UBAP2: variants seen among roughly 807,000 people sequenced by gnomAD.
UBAP2 encodes ubiquitin associated protein 2, also known as ubiquitin-associated protein 2.
A neutral mutation model predicts 139.6 loss-of-function variants in UBAP2; 75 were observed. That is an observed-to-expected ratio of 0.54 (90% CI 0.45 to 0.65). UBAP2 has a LOEUF of 0.65. UBAP2 is among the 30% of genes least tolerant of loss of function. UBAP2 has a pLI of 0.00. For synonymous variants in UBAP2, 526 were observed against 526.2 expected, an observed-to-expected ratio of 1.00 and a Z score of 0.01; for missense variants, 1,368 against 1,369.6, an observed-to-expected ratio of 1.00 and a Z score of 0.02.
chr9:33,995,149 GAGTTTGAGACC>G (rs1477785876), intron 4 of UBAP2: 1 of 152,034 alleles, frequency 6.6e-6, no homozygotes, highest in East Asian at 1.9e-4. Context: ...CTGAGGTCAG[GAGTTTGAGACC>G]AGTCTGGCCA....
At chr9:33,938,318 A>G (rs1285547400) in intron 16 of UBAP2, among the ~76,000 whole-genome samples, 2 of 152,036 alleles carry the variant, frequency 1.3e-5, no homozygotes, top group Non-Finnish European at 2.9e-5. Flanking sequence ...TTGTAGAGAC[A>G]GAGTTTTTTG....
Position 33,922,678 on chromosome 9 carries a change from T to C in UBAP2, c.3264+9A>G, listed in dbSNP as rs1460770806. The C allele has an allele frequency of 6.4e-7, 1 of 1,560,096 alleles. No homozygotes were observed. The highest frequency in any genetic ancestry group is 8.7e-7 in the Non-Finnish European group (1 of 1,153,600). On this transcript the variant is annotated intron_variant, in intron 28 of 28. Transcript: ENST00000379238. ...AGAGTAGGGTGGCTGCCTCCATCAC[T>C]GTACTCACCTGTGCATCCTGCGGAA...
At chr9:33,998,717 C>T in intron 3 of UBAP2, 70 bp downstream of exon 3, 1 of 1,431,520 alleles carries the variant, frequency 7.0e-7, no homozygotes, top group Non-Finnish European at 9.6e-7. Flanking sequence ...AAAATCTTTA[C>T]TGAAATTATC....
At position 33,923,485 on chromosome 9, in the gene UBAP2, G is replaced by C. The variant is rs774902297; in HGVS notation, c.2797-7C>G. 1 of 1,613,916 alleles carries C rather than the reference G, an allele frequency of 6.2e-7. No individual in the cohort carries two copies. Among genetic ancestry groups the C allele is most frequent in the South Asian group, 1.1e-5 (1 of 91,076 alleles). On this transcript the variant is annotated splice_polypyrimidine_tract_variant and splice_region_variant and intron_variant, in intron 24 of 28. Transcript: ENST00000379238. ...TGGCTGAGGCTGGAGGGACCTGGGG[G>C]GGCAAGCAGATGAGGTATTAGTGTA... is the stretch of plus-strand genomic sequence containing the variant.
At position 33,968,471 on chromosome 9, in the gene UBAP2, A is replaced by C. The variant is rs539905826; in HGVS notation, c.679+3180T>G. ...CAGCCTGGTCGGCTTCTTCAGCTTC[A>C]GGTTGGGACATTTGAGCACTAATGG... On this transcript the variant is annotated intron_variant, in intron 8 of 28. Coordinates refer to ENST00000379238, the MANE Select transcript of UBAP2 (RefSeq NM_001370062.2). 128 of 549,258 alleles carry C rather than the reference A, an allele frequency of 2.3e-4. 1 individual carries two copies. The highest frequency in any genetic ancestry group is 1.7e-3 in the South Asian group (120 of 69,296). 34.0% of individuals were successfully genotyped at this position (549,258 alleles called of 1,614,324 possible). A position where few individuals can be genotyped will look rare whatever the true frequency, so the allele number is the denominator to read the frequency against.
At chr9:33,927,340 C>G (rs1234197829) in intron 20 of UBAP2, among the ~76,000 whole-genome samples, 1 of 152,150 alleles carries the variant, frequency 6.6e-6, no homozygotes, top group African/African-American at 2.4e-5. Flanking sequence ...CCTAAGGTCC[C>G]ACTGCACTGA....
rs547908426 is a variant in UBAP2 at position 33,968,360 on chromosome 9, A to G, written c.679+3291T>C. ...CACAGAGCCAACACTTTGAGGTTCAACAATAACATCATAAATTATTCCTCT... is the reference window on the plus strand; with the variant it reads ...CACAGAGCCAACACTTTGAGGTTCAGCAATAACATCATAAATTATTCCTCT... On this transcript the variant is annotated intron_variant, in intron 8 of 28. Transcript: ENST00000379238. 2.4e-4 allele frequency: 137 copies of G among 578,348 alleles called. 1 individual carries two copies. Among genetic ancestry groups the G allele is most frequent in the South Asian group, 1.0e-3 (75 of 72,752 alleles). 35.8% of individuals were successfully genotyped at this position (578,348 alleles called of 1,614,324 possible).
At position 34,035,961 on chromosome 9, in the gene UBAP2, C is replaced by A. The variant is rs114210374; in HGVS notation, c.-42+12864G>T. ...AGGTTAAGGCTGCAGTGAGCCTGAT[C>A]GCATCACTGCATTCCTGAGTGACAG... On this transcript the variant is annotated intron_variant, in intron 1 of 28. Coordinates refer to ENST00000379238, the MANE Select transcript of UBAP2 (RefSeq NM_001370062.2). Among the ~76,000 whole-genome samples the A allele has an allele frequency of 2.6e-3, 394 of 151,846 alleles. 2 individuals carry two copies. The highest frequency in any genetic ancestry group is 9.0e-3 in the African/African-American group (374 of 41,410).
intron 1 of UBAP2, among the ~76,000 whole-genome samples, chr9:34,042,213 CT>C (rs1395682261): frequency 2.0e-5 from 3 of 151,822 alleles, no homozygotes; most frequent in Non-Finnish European, 4.4e-5. Context: ...GGGGTGGTGG[CT>C]CATGCCTGTA....
chr9:33,995,544 T>TAA (rs1822120591), intron 4 of UBAP2: 2 of 121,976 alleles, frequency 1.6e-5, no homozygotes, highest in Non-Finnish European at 3.4e-5. Flanking sequence ...TATTATTAAA[T>TAA]ATATTATTAA....
chr9:33,980,905 C>A (rs1235234021), intron 6 of UBAP2, among the ~76,000 whole-genome samples: 1 of 150,800 alleles, frequency 6.6e-6, no homozygotes, highest in Non-Finnish European at 1.5e-5. Flanking sequence ...CAAGATCACA[C>A]CACTGCACAC....
At chr9:33,949,795 G>C (rs977805269) in intron 12 of UBAP2, among the ~76,000 whole-genome samples, 3 of 152,182 alleles carry the variant, frequency 2.0e-5, no homozygotes, top group African/African-American at 4.8e-5. Flanking sequence ...TCCAAAATGA[G>C]ACACTGCGAT....
chr9:34,007,681 C>T (rs7026223), intron 2 of UBAP2, among the ~76,000 whole-genome samples: 18,894 of 150,088 alleles, frequency 0.13, 1,521 homozygotes, highest in African/African-American at 0.22. Context: ...CTCTGTTGCC[C>T]AGGCTGGAGT....
At chr9:33,963,895 T>C in intron 8 of UBAP2, 104 bp from the exon 9 acceptor site, 1 of 791,328 alleles carries the variant, frequency 1.3e-6, no homozygotes, top group Non-Finnish European at 2.2e-6. Context: ...GCTGCGTTAC[T>C]GCCCAAGGAT....
intron 4 of UBAP2, among the ~76,000 whole-genome samples, chr9:33,992,013 G>C (rs1821750696): frequency 6.6e-6 from 1 of 152,122 alleles, no homozygotes; most frequent in Admixed American, 6.5e-5. Flanking sequence ...CAGCACTTTG[G>C]GAGCCCAAGG....
intron 12 of UBAP2, among the ~76,000 whole-genome samples, chr9:33,949,208 TAAA>T (rs982706534): frequency 6.6e-6 from 1 of 151,440 alleles, no homozygotes; most frequent in Non-Finnish European, 1.5e-5. Context: ...AATAAAATAA[TAAA>T]AAGTGATGTC....
At position 33,922,164 on chromosome 9, in the gene UBAP2, A is replaced by AG. The variant is rs903133712; in HGVS notation, c.*339dup. The AG allele has an allele frequency of 1.9e-5, 5 of 267,954 alleles. No homozygotes were observed. The highest frequency in any genetic ancestry group is 1.1e-4 in the African/African-American group (5 of 44,796). 16.6% of individuals were successfully genotyped at this position (267,954 alleles called of 1,614,324 possible). Reference sequence around the variant, plus strand: ...ACCAGCCCTTCCAGAGACTGCCCCTAGTGGCCCACTGGGCAGTGCAGGCTG... The same window carrying AG: ...ACCAGCCCTTCCAGAGACTGCCCCTAGGTGGCCCACTGGGCAGTGCAGGCTG... On this transcript the variant is annotated 3_prime_UTR_variant, in exon 29 of 29. Coordinates refer to ENST00000379238, the MANE Select transcript of UBAP2 (RefSeq NM_001370062.2).
chr9:33,968,079 T>G (rs1038362999), intron 8 of UBAP2: 64 of 462,924 alleles, frequency 1.4e-4, no homozygotes, highest in East Asian at 2.4e-4. Flanking sequence ...CTCTAACTTA[T>G]CAGATTGCCC....
chr9:33,969,551 T>TA (rs60255464), intron 8 of UBAP2, among the ~76,000 whole-genome samples: 12,085 of 140,568 alleles, frequency 0.086, 540 homozygotes, highest in African/African-American at 0.13. Flanking sequence ...GCTCTCTCTT[T>TA]AAAAAAAAAA....
Sources: allele counts gnomAD v4.1 joint callset (sites outside exome capture counted in the v4.1 genomes callset), GRCh38; gene constraint gnomAD v4.1.1; transcripts MANE v1.5; gene names NCBI Gene and HGNC (gene_info 2026-07-23, HGNC 2026-07-21).